KL: variants seen among roughly 807,000 people sequenced by gnomAD.
The protein encoded by KL is klotho, also known as alpha-klotho.
In KL, 62 loss-of-function variants were observed where a neutral mutation model predicts 84.2. The observed-to-expected ratio is 0.74, with a 90% confidence interval of 0.60 to 0.91. The LOEUF is 0.91. Among genes scored for constraint, KL ranks in the 40% least tolerant of loss-of-function variants. KL has a pLI of 0.00. For synonymous variants in KL, 528 were observed against 528.0 expected (o/e 1.00, Z 0.00); for missense variants, 1,261 against 1,305.7 (o/e 0.97, Z 0.53).
At chr13:33,035,527 A>G (rs1228424939) in intron 1 of KL, among the ~76,000 whole-genome samples, 14 of 152,192 alleles carry the variant, frequency 9.2e-5, no homozygotes, top group Admixed American at 9.2e-4. Context: ...TGACTGATGA[A>G]CCATGGAATA....
chr13:33,047,072 A>C (rs535077964), intron 1 of KL, among the ~76,000 whole-genome samples: 2 of 152,270 alleles, frequency 1.3e-5, no homozygotes, highest in South Asian at 4.1e-4. Flanking sequence ...CATATGATCT[A>C]TCCTGGAAAA....
At chr13:33,031,263 C>G (rs569097148) in intron 1 of KL, among the ~76,000 whole-genome samples, 55 of 152,208 alleles carry the variant, frequency 3.6e-4, no homozygotes, top group African/African-American at 1.2e-3. Context: ...TGGTTTCAAT[C>G]CATAAGAAAT....
rs138723796 is a variant in KL, at chr13:33,061,119, C to T, written c.2040C>T (p.His680=). 4.6e-5 allele frequency: 74 copies of T among 1,613,954 alleles called. No individual in the cohort carries two copies. Among genetic ancestry groups the T allele is most frequent in the Admixed American group, 8.3e-5 (5 of 60,008 alleles). Residue 680 remains histidine (H), a synonymous_variant, in exon 4 of 5, where the codon CAC becomes CAT. Coordinates refer to ENST00000380099, the MANE Select transcript of KL (RefSeq NM_004795.4). ...TGTGCTTTCAAGAGCTCGGCCATCA[C>T]GTCAAGCTTTGGATAACGATGAATG... ...ARLCFQELGH[H]VKLWITMNEP...
At chr13:33,044,928 A>G (rs765601426) in intron 1 of KL, among the ~76,000 whole-genome samples, 2 of 152,042 alleles carry the variant, frequency 1.3e-5, no homozygotes, top group African/African-American at 2.4e-5. Flanking sequence ...TACACAGACA[A>G]TCATGTTTTT....
At chr13:33,048,463 T>C (rs1324343390) in intron 1 of KL, among the ~76,000 whole-genome samples, 1 of 152,190 alleles carries the variant, frequency 6.6e-6, no homozygotes, top group Non-Finnish European at 1.5e-5. Flanking sequence ...ACCCAACCTT[T>C]GGTATTCATC....
At position 33,016,668 on chromosome 13, in the gene KL, C is replaced by T; in HGVS notation, c.228C>T (p.Thr76=). 6.3e-7 allele frequency: 1 copy of T among 1,592,922 alleles called. No homozygotes were observed. The highest frequency in any genetic ancestry group is 1.1e-5 in the South Asian group (1 of 88,134). The change falls in exon 1 of 5, where the codon ACC becomes ACT. Residue 76 remains threonine, a synonymous_variant. Transcript: ENST00000380099. ...LWAVGSAAYQ[T]EGGWQQHGKG... is the part of the protein sequence containing the mutation. ...CCGTGGGCAGCGCCGCCTACCAGAC[C>T]GAGGGCGGCTGGCAGCAGCACGGCA...
intron 1 of KL, among the ~76,000 whole-genome samples, chr13:33,031,069 G>T (rs1035465387): frequency 6.6e-6 from 1 of 152,162 alleles, no homozygotes; most frequent in Non-Finnish European, 1.5e-5. Flanking sequence ...AAATGCCCCA[G>T]AACTGAAGAA....
At chr13:33,051,079 A>G (rs1295475005) in intron 1 of KL, among the ~76,000 whole-genome samples, 1 of 152,196 alleles carries the variant, frequency 6.6e-6, no homozygotes, top group Non-Finnish European at 1.5e-5. Context: ...TGGTTTGTTC[A>G]TCCTCTAGAG....
chr13:33,033,699 C>T (rs1345754938), intron 1 of KL, among the ~76,000 whole-genome samples: 2 of 151,932 alleles, frequency 1.3e-5, no homozygotes, highest in Non-Finnish European at 1.5e-5. Flanking sequence ...TGGAGGCCCC[C>T]GGAACTAGTC....
rs895433372 is a variant in KL at position 33,064,473 on chromosome 13, C to G, written c.*287C>G. The G allele has an allele frequency of 3.1e-6, 1 of 326,694 alleles. No individual in the cohort carries two copies. The highest frequency in any genetic ancestry group is 2.1e-5 in the African/African-American group (1 of 47,842). The allele number at this position is 326,694 out of a possible 1,614,324, so 20.2% of individuals were successfully genotyped here. The stretch of plus-strand genomic sequence containing the variant: ...AAAAGCATGAAAAATAGGAACCACA[C>G]CAATGCAACATTTGTGCAGAAATTT... On this transcript the variant is annotated 3_prime_UTR_variant, in exon 5 of 5. Transcript: ENST00000380099.
chr13:33,053,905 C>A lies in KL; in HGVS notation c.958C>A (p.Leu320Met). ...CAGCATCAAAGAATGTCAAAAATCT[C>A]TGGACTTTGTACTAGGTTGGTTTGC... ...DHSIKECQKS[L>M]DFVLGWFAKP... The change falls in exon 2 of 5, where the codon CTG (leucine) becomes ATG (methionine). Residue 320 changes from leucine (L) to methionine (M), a missense_variant. Coordinates refer to ENST00000380099, the MANE Select transcript of KL (RefSeq NM_004795.4). 1 of 1,614,138 alleles carries A rather than the reference C, an allele frequency of 6.2e-7. No homozygotes were observed. The highest frequency in any genetic ancestry group is 1.1e-5 in the South Asian group (1 of 91,080).
At chr13:33,023,865 A>T (rs1159350086) in intron 1 of KL, among the ~76,000 whole-genome samples, 4 of 152,210 alleles carry the variant, frequency 2.6e-5, no homozygotes, top group Non-Finnish European at 5.9e-5. Flanking sequence ...TGATAATTAG[A>T]ATGTTAGAAT....
chr13:33,043,962 G>A (rs1256610122), intron 1 of KL, among the ~76,000 whole-genome samples: 1 of 142,800 alleles, frequency 7.0e-6, no homozygotes, highest in South Asian at 2.2e-4. Flanking sequence ...CTTACATTTT[G>A]TTCTATAAGT....
intron 1 of KL, among the ~76,000 whole-genome samples, chr13:33,035,493 G>A (rs1007353391): frequency 6.6e-6 from 1 of 152,200 alleles, no homozygotes; most frequent in Non-Finnish European, 1.5e-5. Context: ...TATACTAATA[G>A]ATGTTTACTG....
chr13:33,024,994 T>C (rs1405487029), intron 1 of KL, among the ~76,000 whole-genome samples: 1 of 152,088 alleles, frequency 6.6e-6, no homozygotes, highest in African/African-American at 2.4e-5. Context: ...GCTCCTAACC[T>C]AGGGGGCCTT....
At chr13:33,037,664 C>T (rs1031533420) in intron 1 of KL, among the ~76,000 whole-genome samples, 2 of 152,058 alleles carry the variant, frequency 1.3e-5, no homozygotes, top group African/African-American at 4.8e-5. Flanking sequence ...TTACTTTAGC[C>T]AACAATCATA....
intron 1 of KL, among the ~76,000 whole-genome samples, chr13:33,038,119 C>G (rs1357078762): frequency 2.0e-5 from 3 of 152,226 alleles, no homozygotes; most frequent in Non-Finnish European, 1.5e-5. Flanking sequence ...GAGCATATGA[C>G]TGATCATCAC....
intron 1 of KL, among the ~76,000 whole-genome samples, chr13:33,020,748 G>C (rs995652897): frequency 2.8e-4 from 42 of 152,154 alleles, no homozygotes; most frequent in African/African-American, 9.7e-4. Flanking sequence ...CGATGGAGGT[G>C]CAAGACACCA....
At chr13:33,063,813 C>G in intron 4 of KL, 36 bp from the exon 5 acceptor site, 1 of 1,554,062 alleles carries the variant, frequency 6.4e-7, no homozygotes, top group Non-Finnish European at 8.9e-7. Flanking sequence ...GTGCAAAATA[C>G]GTAATAACTA....
Sources: gnomAD v4.1 joint callset for allele counts (sites outside exome capture counted in the v4.1 genomes callset) on GRCh38, gnomAD v4.1.1 for gene constraint, MANE v1.5 for transcripts, NCBI Gene and HGNC (gene_info 2026-07-23, HGNC 2026-07-21) for gene names.